The following UTRN variants were observed in gnomAD, a reference collection of about 807,000 sequenced individuals.
UTRN encodes dystrophin-related protein 1.
In UTRN, 283 loss-of-function variants were observed where a neutral mutation model predicts 463.9. The ratio of observed to expected loss-of-function variants is 0.61; its 90% CI spans 0.55 to 0.67. The LOEUF is 0.67. Among genes scored for constraint, UTRN ranks in the 30% least tolerant of loss-of-function variants. The pLI is 0.00. For synonymous variants in UTRN, 1,442 were observed against 1,431.5 expected (o/e 1.01, Z -0.17); for missense variants, 3,922 against 4,084.3 (o/e 0.96, Z 1.08).
chr6:144,737,388 T>C (rs1306613174), intron 54 of UTRN, among the ~76,000 whole-genome samples: 1 of 152,080 alleles, frequency 6.6e-6, no homozygotes, highest in Non-Finnish European at 1.5e-5. Context: ...AAAGAAATGA[T>C]AAAAAGATAT....
Position 144,835,852 on chromosome 6 carries a change from G to C in UTRN, c.9738G>C (p.Gln3246His). 6.2e-7 allele frequency: 1 copy of C among 1,614,148 alleles called. No individual in the cohort carries two copies. Residue 3246 changes from glutamine (Q) to histidine (H), a missense_variant, in exon 70 of 75, where the codon CAG (glutamine) becomes CAC (histidine). Physicochemically the swap from Gln to His is conservative, Grantham distance 24 (BLOSUM62 0). Coordinates refer to ENST00000367545, the MANE Select transcript of UTRN (RefSeq NM_007124.3). Reference sequence around the variant, plus strand: ...GAGAGTCCCCAGTGAGCCAGCCGCAGAGCCCAGCTCAGATCCTGAAGTCAG... The same window carrying C: ...GAGAGTCCCCAGTGAGCCAGCCGCACAGCCCAGCTCAGATCCTGAAGTCAG... ...LGGESPVSQP[Q>H]SPAQILKSVE... is the part of the protein sequence containing the mutation.
chr6:144,579,632 A>G (rs1585374645), intron 51 of UTRN, among the ~76,000 whole-genome samples: 1 of 152,344 alleles, frequency 6.6e-6, no homozygotes, highest in East Asian at 1.9e-4. Flanking sequence ...AATGTTTAAA[A>G]TCTTTCAAAA....
intron 62 of UTRN, among the ~76,000 whole-genome samples, chr6:144,790,721 A>AC (rs1776688557): frequency 6.6e-6 from 1 of 152,208 alleles, no homozygotes; most frequent in African/African-American, 2.4e-5. Context: ...ACAGCTGAAA[A>AC]CGTTATCTTT....
chr6:144,485,472 A>G lies in UTRN; in HGVS notation c.3775A>G (p.Thr1259Ala), dbSNP rs1584973976. 2.5e-6 allele frequency: 4 copies of G among 1,614,198 alleles called. No homozygotes were observed. The highest frequency in any genetic ancestry group is 2.5e-6 in the Non-Finnish European group (3 of 1,180,022). ...CACTTTGGAAGAGCGGATGAAGAGC[A>G]CAGAGGTCCTGCCTGAGAAGACGGA... The part of the protein sequence containing the change: ...LNTLEERMKS[T>A]EVLPEKTDAV... Residue 1259 changes from threonine to alanine, a missense_variant, in exon 28 of 75, where the codon ACA becomes GCA. Thr to Ala is a moderately conservative substitution (Grantham distance 58). This residue lies in a region of UTRN where 2,349 missense variants were observed against 2,303.8 expected (regional missense o/e 1.02). Coordinates refer to ENST00000367545, the MANE Select transcript of UTRN (RefSeq NM_007124.3).
chr6:144,754,091 ACT>A (rs1004236488), intron 56 of UTRN, among the ~76,000 whole-genome samples: 1 of 149,930 alleles, frequency 6.7e-6, no homozygotes, highest in Non-Finnish European at 1.5e-5. Flanking sequence ...CTATCTATGT[ACT>A]GTCTATTTCT....
chr6:144,318,765 A>G (rs554947204), intron 2 of UTRN, among the ~76,000 whole-genome samples: 53 of 152,270 alleles, frequency 3.5e-4, no homozygotes, highest in African/African-American at 1.3e-3. Context: ...CACCTGGCCT[A>G]TAATGTCTAC....
At chr6:144,639,222 A>T (rs1215440272) in intron 51 of UTRN, among the ~76,000 whole-genome samples, 3 of 152,180 alleles carry the variant, frequency 2.0e-5, no homozygotes. Flanking sequence ...GTCCCATTGT[A>T]CACTGACAAT....
At position 144,554,758 on chromosome 6, in the gene UTRN, C is replaced by T. The variant is rs780021470; in HGVS notation, c.6999C>T (p.Asp2333=). The change falls in exon 49 of 75, where the codon GAC becomes GAT. Residue 2333 remains aspartate (D), a synonymous_variant. Coordinates refer to ENST00000367545, the MANE Select transcript of UTRN (RefSeq NM_007124.3). ...AGCTAAGACAGCAGCAGCTTGAGGA[C>T]ATGATTATTGACAGTCTTCAGTGGG... is the stretch of plus-strand genomic sequence containing the variant. ...GVELRQQQLE[D]MIIDSLQWDD... 3.7e-6 allele frequency: 6 copies of T among 1,613,808 alleles called. No homozygotes were observed. Among genetic ancestry groups the T allele is most frequent in the Non-Finnish European group, 5.1e-6 (6 of 1,179,972 alleles).
At chr6:144,776,789 G>A (rs1296676777) in intron 60 of UTRN, among the ~76,000 whole-genome samples, 2 of 152,116 alleles carry the variant, frequency 1.3e-5, no homozygotes, top group Non-Finnish European at 2.9e-5. Flanking sequence ...TGCAGTTTTT[G>A]CCGTTAAAAG....
intron 2 of UTRN, among the ~76,000 whole-genome samples, chr6:144,316,133 T>G (rs1562241613): frequency 1.3e-5 from 2 of 152,150 alleles, no homozygotes; most frequent in Non-Finnish European, 2.9e-5. Context: ...GAGGATTACT[T>G]GAGGCCAGGA....
At chr6:144,404,435 A>G (rs932946038) in intron 3 of UTRN, among the ~76,000 whole-genome samples, 1 of 152,154 alleles carries the variant, frequency 6.6e-6, no homozygotes, top group Admixed American at 6.5e-5. Context: ...GCATGTGACC[A>G]TTTTCCAGAG....
intron 25 of UTRN, among the ~76,000 whole-genome samples, chr6:144,475,603 T>G (rs1791110820): frequency 6.6e-6 from 1 of 152,184 alleles, no homozygotes; most frequent in African/African-American, 2.4e-5. Flanking sequence ...TTAAGGTCAC[T>G]CTGGCTTTTT....
At chr6:144,313,771 T>TG (rs1315986557) in intron 2 of UTRN, among the ~76,000 whole-genome samples, 1 of 152,160 alleles carries the variant, frequency 6.6e-6, no homozygotes, top group Non-Finnish European at 1.5e-5. Context: ...TCTCTATTTC[T>TG]GGGGGAGAGA....
At chr6:144,764,667 C>A (rs1004455238) in intron 58 of UTRN, among the ~76,000 whole-genome samples, 2 of 151,648 alleles carry the variant, frequency 1.3e-5, no homozygotes, top group Admixed American at 6.6e-5. Context: ...AGCAAAAGTA[C>A]AGAAGTAATA....
At chr6:144,493,036 A>G (rs768826567) in intron 32 of UTRN, among the ~76,000 whole-genome samples, 9 of 152,220 alleles carry the variant, frequency 5.9e-5, no homozygotes, top group Non-Finnish European at 1.0e-4. Context: ...TATATTATCA[A>G]GTACTTTCAT....
rs1293660267 is a variant in UTRN, at chr6:144,554,772, G to A, written c.7013G>A (p.Ser2338Asn). ...CAGCTTGAGGACATGATTATTGACA[G>A]TCTTCAGTGGGATGACCATAGGGAG... The part of the protein sequence containing the change: ...QQQLEDMIID[S>N]LQWDDHREET... The change falls in exon 49 of 75, where the codon AGT becomes AAT. Residue 2338 changes from serine (S) to asparagine (N), a missense_variant. Ser to Asn is a conservative substitution (Grantham distance 46, BLOSUM62 1). Around this residue, in one of 3 missense-constraint regions of UTRN, gnomAD observed 1,309 missense variants for 1,452.6 expected, o/e 0.90. Transcript: ENST00000367545. The A allele has an allele frequency of 1.9e-6, 3 of 1,614,066 alleles. No individual in the cohort carries two copies. The highest frequency in any genetic ancestry group is 2.5e-6 in the Non-Finnish European group (3 of 1,179,978).
chr6:144,723,412 C>A (rs951224787), intron 53 of UTRN, among the ~76,000 whole-genome samples: 1 of 152,028 alleles, frequency 6.6e-6, no homozygotes, highest in African/African-American at 2.4e-5. Context: ...AGCATTTCTC[C>A]CATAATTTAT....
intron 51 of UTRN, among the ~76,000 whole-genome samples, chr6:144,626,877 A>T (rs921000750): frequency 1.3e-5 from 2 of 152,090 alleles, no homozygotes; most frequent in Middle Eastern, 3.2e-3. Flanking sequence ...TGACCTTGTG[A>T]TCCACCTGGT....
chr6:144,315,288 G>A (rs1349519733), intron 2 of UTRN, among the ~76,000 whole-genome samples: 1 of 152,180 alleles, frequency 6.6e-6, no homozygotes, highest in East Asian at 1.9e-4. Context: ...TCCCTGGCCT[G>A]AACAGTGGCT....
Sources: gnomAD v4.1 joint callset for allele counts (sites outside exome capture counted in the v4.1 genomes callset) on GRCh38, gnomAD v4.1.1 for gene constraint, gnomAD v4.1.1 regional missense constraint, MANE v1.5 for transcripts, NCBI Gene and HGNC (gene_info 2026-07-23, HGNC 2026-07-21) for gene names.